PDE5A: variants seen among roughly 807,000 people sequenced by gnomAD.
PDE5A encodes cGMP-specific 3',5'-cyclic phosphodiesterase.
Under a neutral mutation model 110.2 loss-of-function variants are expected in PDE5A, and 67 were observed. The observed-to-expected ratio is 0.61, with a 90% CI of 0.50 to 0.75. The LOEUF (loss-of-function observed/expected upper bound fraction) is 0.75. PDE5A is among the 30% of genes least tolerant of loss of function. The probability of loss-of-function intolerance (pLI) is 0.00; values close to 1 mark genes in which losing one functional copy is unlikely to be tolerated. For synonymous variants in PDE5A, 328 were observed against 351.2 expected, an observed-to-expected ratio of 0.93 and a Z score of 0.74; for missense variants, 862 against 1,045.1, an observed-to-expected ratio of 0.82 and a Z score of 2.42.
chr4:119,596,258 G>A (rs987032443), intron 3 of PDE5A, among the ~76,000 whole-genome samples: 2 of 151,934 alleles, frequency 1.3e-5, no homozygotes, highest in Non-Finnish European at 2.9e-5. Flanking sequence ...TCTTAAGATA[G>A]AATAACGCCT....
intron 1 of PDE5A, among the ~76,000 whole-genome samples, chr4:119,625,372 T>C (rs528207740): frequency 6.6e-6 from 1 of 152,188 alleles, no homozygotes; most frequent in Non-Finnish European, 1.5e-5. Context: ...TATAATGGCA[T>C]AAATGCTTTC....
At chr4:119,557,181 A>T (rs1458962829) in intron 7 of PDE5A, among the ~76,000 whole-genome samples, 2 of 152,182 alleles carry the variant, frequency 1.3e-5, no homozygotes, top group Non-Finnish European at 2.9e-5. Flanking sequence ...TTCTCACAGT[A>T]AATTTCAGCT....
rs199606330 is a variant in PDE5A at position 119,565,351 on chromosome 4, C to T, written c.963G>A (p.Glu321=). 6.2e-7 allele frequency: 1 copy of T among 1,612,098 alleles called. No homozygotes were observed. Among genetic ancestry groups the T allele is most frequent in the Non-Finnish European group, 8.5e-7 (1 of 1,178,772 alleles). The change falls in exon 5 of 21, where the codon GAG becomes GAA. Residue 321 remains glutamate, a synonymous_variant. Coordinates refer to ENST00000354960, the MANE Select transcript of PDE5A (RefSeq NM_001083.4). ...TTCTCTTGTTCTCCAGCAGTGAAGT[C>T]TCATAGAGCTGAGCATTATGAAGAA... ...GIVLHNAQLY[E]TSLLENKRNQ... is the part of the protein sequence containing the mutation.
chr4:119,567,159 GA>G lies in PDE5A; in HGVS notation c.832-16del. On this transcript the variant is annotated splice_polypyrimidine_tract_variant and intron_variant, in intron 3 of 20. Coordinates refer to ENST00000354960, the MANE Select transcript of PDE5A (RefSeq NM_001083.4). ...ACACCAACAACCTGGTATAAGGAGA[GA>G]AAAGCGACAATTTTTTTATTGACTG... is the stretch of plus-strand genomic sequence containing the variant. 1.3e-6 allele frequency: 2 copies of G among 1,590,634 alleles called. No individual in the cohort carries two copies. The highest frequency in any genetic ancestry group is 1.7e-6 in the Non-Finnish European group (2 of 1,162,166).
intron 10 of PDE5A, among the ~76,000 whole-genome samples, chr4:119,540,173 C>T (rs749656957): frequency 6.6e-6 from 1 of 151,410 alleles, no homozygotes; most frequent in East Asian, 1.9e-4. Context: ...CAAAAAAAAC[C>T]CCAAAAGCTT....
At chr4:119,570,873 A>T (rs999596873) in intron 3 of PDE5A, among the ~76,000 whole-genome samples, 7 of 152,188 alleles carry the variant, frequency 4.6e-5, no homozygotes, top group Non-Finnish European at 1.0e-4. Context: ...AAACTTTACT[A>T]AGAAAACTAG....
At chr4:119,607,571 T>G (rs1383665072) in intron 1 of PDE5A, among the ~76,000 whole-genome samples, 1 of 151,940 alleles carries the variant, frequency 6.6e-6, no homozygotes, top group East Asian at 1.9e-4. Flanking sequence ...ACCCTGTCTC[T>G]AGGAAAAATT....
chr4:119,544,647 C>T (rs1344907711), intron 9 of PDE5A, among the ~76,000 whole-genome samples: 2 of 152,142 alleles, frequency 1.3e-5, no homozygotes, highest in African/African-American at 4.8e-5. Flanking sequence ...ACTTGATAGC[C>T]TTTTTCATAA....
At chr4:119,501,985 A>T (rs1488706620) in intron 19 of PDE5A, among the ~76,000 whole-genome samples, 3 of 152,142 alleles carry the variant, frequency 2.0e-5, no homozygotes, top group Non-Finnish European at 4.4e-5. Flanking sequence ...CTCTGAACAC[A>T]CTTCTGAGGA....
rs55997249 is a variant in PDE5A, at chr4:119,592,456, T to TAAAAAAAAA, written c.831+4058_831+4066dup. ...CTGGGTGACAGAGCGAGACTCTGTT[T>TAAAAAAAAA]AAAAAAAAAAAAAAAAAAAAAAAAA... On this transcript the variant is annotated intron_variant, in intron 3 of 20. Coordinates refer to ENST00000354960, the MANE Select transcript of PDE5A (RefSeq NM_001083.4). 5.6e-3 allele frequency among the ~76,000 whole-genome samples: 370 copies of TAAAAAAAAA among 66,164 alleles called. 20 individuals are homozygous for TAAAAAAAAA. The highest frequency in any genetic ancestry group is 0.013 in the East Asian group (24 of 1,826). The allele number at this position is 66,164 out of a possible 152,430, so 43.4% of individuals were successfully genotyped here. A position where few individuals can be genotyped will look rare whatever the true frequency, so the allele number is the denominator to read the frequency against.
At chr4:119,520,070 G>A (rs1288870144) in intron 13 of PDE5A, among the ~76,000 whole-genome samples, 2 of 151,968 alleles carry the variant, frequency 1.3e-5, no homozygotes, top group Non-Finnish European at 2.9e-5. Context: ...GTCCCATTTC[G>A]GATAAGGGAT....
At chr4:119,518,356 C>T (rs1213597642) in intron 14 of PDE5A, among the ~76,000 whole-genome samples, 2 of 152,208 alleles carry the variant, frequency 1.3e-5, no homozygotes, top group East Asian at 3.8e-4. Flanking sequence ...TCTCATTTGT[C>T]ATCTCAAATG....
At chr4:119,533,676 GA>G (rs1322658031) in intron 11 of PDE5A, among the ~76,000 whole-genome samples, 1 of 151,942 alleles carries the variant, frequency 6.6e-6, no homozygotes, top group Non-Finnish European at 1.5e-5. Flanking sequence ...TTATATAAGT[GA>G]ATCCCTTTAA....
intron 1 of PDE5A, among the ~76,000 whole-genome samples, chr4:119,613,945 C>T (rs1003968925): frequency 4.6e-5 from 7 of 151,748 alleles, no homozygotes; most frequent in African/African-American, 1.7e-4. Context: ...GTTCCCAGAG[C>T]ATCAGTGCTT....
chr4:119,591,546 G>C (rs1229707384), intron 3 of PDE5A, among the ~76,000 whole-genome samples: 4 of 152,154 alleles, frequency 2.6e-5, no homozygotes, highest in Admixed American at 2.6e-4. Context: ...TCACGACAAA[G>C]AGTAGTTATG....
In PDE5A at chr4:119,525,612, T is replaced by C; in HGVS notation, c.1716A>G (p.Ala572=). Residue 572 remains alanine (A), a synonymous_variant, in exon 12 of 21, where the codon GCA becomes GCG. Transcript: ENST00000354960. The surrounding 1 kb of genome is among the most constrained non-coding windows in gnomAD (Gnocchi z 4.3). ...CAGTAAACATCCGAATTGTACACAG[T>C]GCTGTTTCCAGATCAGACAGCTCAA... ...SDFELSDLET[A]LCTIRMFTDL... 1.2e-6 allele frequency: 2 copies of C among 1,613,296 alleles called. No homozygotes were observed. Among genetic ancestry groups the C allele is most frequent in the Non-Finnish European group, 1.7e-6 (2 of 1,179,472 alleles).
intron 6 of PDE5A, among the ~76,000 whole-genome samples, chr4:119,562,140 T>C (rs902829910): frequency 6.6e-6 from 1 of 152,140 alleles, no homozygotes; most frequent in African/African-American, 2.4e-5. Context: ...AGAAAGTGCA[T>C]AAAGAAAAAC....
intron 11 of PDE5A, among the ~76,000 whole-genome samples, chr4:119,527,437 C>G (rs1360326618): frequency 1.3e-5 from 2 of 152,112 alleles, no homozygotes; most frequent in Admixed American, 1.3e-4. Context: ...GAAATCCTTT[C>G]AAGCTCTTGT....
rs201433129 is a variant in PDE5A at position 119,497,654 on chromosome 4, A to G, written c.*947T>C. On this transcript the variant is annotated 3_prime_UTR_variant, in exon 21 of 21. Coordinates refer to ENST00000354960, the MANE Select transcript of PDE5A (RefSeq NM_001083.4). ...AATTAAAACTTTTCTTTAAATTTCAATTGACAGGAAAAAGAGTCATTTTGT... is the reference window on the plus strand; with the variant it reads ...AATTAAAACTTTTCTTTAAATTTCAGTTGACAGGAAAAAGAGTCATTTTGT... 1.3e-5 allele frequency: 2 copies of G among 152,180 alleles called. No individual in the cohort carries two copies. The highest frequency in any genetic ancestry group is 2.4e-5 in the African/African-American group (1 of 41,452). The allele number at this position is 152,180 out of a possible 1,614,324, so 9.4% of individuals were successfully genotyped here. A position where few individuals can be genotyped will look rare whatever the true frequency, so the allele number is the denominator to read the frequency against.
Sources: allele counts gnomAD v4.1 joint callset (sites outside exome capture counted in the v4.1 genomes callset), GRCh38; gene constraint gnomAD v4.1.1; non-coding constraint Gnocchi (gnomAD v3.1); transcripts MANE v1.5; gene names NCBI Gene and HGNC (gene_info 2026-07-23, HGNC 2026-07-21).